The following ARHGEF28 variants were observed in gnomAD, a reference collection of about 807,000 sequenced individuals.
ARHGEF28 encodes the protein Rho guanine nucleotide exchange factor 28.
In ARHGEF28, 152 loss-of-function variants were observed where a neutral mutation model predicts 206.6. The observed-to-expected ratio is 0.74, with a 90% CI of 0.64 to 0.84. The LOEUF is 0.84. Among genes scored for constraint, ARHGEF28 ranks in the 40% least tolerant of loss-of-function variants. The pLI, the probability that ARHGEF28 is intolerant of heterozygous loss-of-function variation, is 0.00. For missense variants in ARHGEF28, 2,028 were observed against 2,073.2 expected (o/e 0.98, Z 0.42); for synonymous variants, 763 against 776.4 (o/e 0.98, Z 0.29).
intron 35 of ARHGEF28, among the ~76,000 whole-genome samples, chr5:73,913,253 G>T (rs1763005015): frequency 6.6e-6 from 1 of 152,204 alleles, no homozygotes; most frequent in Admixed American, 6.5e-5. Context: ...AATCTCTCAG[G>T]AACATCCTGG....
rs557644115 is a variant in ARHGEF28 at position 73,864,806 on chromosome 5, C to A, written c.2048-11C>A. 2.4e-5 allele frequency: 39 copies of A among 1,609,670 alleles called. No individual in the cohort carries two copies. In the Admixed American group the frequency reaches 6.5e-4, roughly 27 times the overall value. The stretch of plus-strand genomic sequence containing the variant: ...AGATGGATGCTTTTGTATCTTTTCC[C>A]TTTATTTCAGACTGTAATGCAAATG... On this transcript the variant is annotated splice_polypyrimidine_tract_variant and intron_variant, in intron 16 of 35. Coordinates refer to ENST00000513042, the MANE Select transcript of ARHGEF28 (RefSeq NM_001177693.2).
At chr5:73,840,821 C>A (rs534124022) in intron 11 of ARHGEF28, 61 bp downstream of exon 11, 299 of 1,483,862 alleles carry the variant, frequency 2.0e-4, no homozygotes, top group Non-Finnish European at 2.7e-4. Context: ...AGGTAGACTT[C>A]AAAAATTCTA....
At chr5:73,770,659 G>T (rs1364535209) in intron 4 of ARHGEF28, among the ~76,000 whole-genome samples, 1 of 152,200 alleles carries the variant, frequency 6.6e-6, no homozygotes, top group Non-Finnish European at 1.5e-5. Flanking sequence ...ATTTATATAT[G>T]TCATGATGCT....
chr5:73,758,957 A>G (rs1287970801), intron 4 of ARHGEF28, among the ~76,000 whole-genome samples: 1 of 152,200 alleles, frequency 6.6e-6, no homozygotes, highest in East Asian at 1.9e-4. Context: ...TGCCTTTGTG[A>G]TTGGTTCTAT....
chr5:73,923,176 A>AG lies in ARHGEF28; in HGVS notation c.4948+11607dup, dbSNP rs1267008984. On this transcript the variant is annotated intron_variant, in intron 35 of 35. Transcript: ENST00000513042. ...ATCTACTTTGAAAGGTAATACTGCA[A>AG]GGGGGGTGCTTAGCCTTCTTTTAGG... is the stretch of plus-strand genomic sequence containing the variant. The AG allele has an allele frequency of 6.5e-6, 10 of 1,534,252 alleles. No homozygotes were observed. The African/African-American group carries it at 6.9e-5, about 11-fold the overall frequency.
intron 1 of ARHGEF28, among the ~76,000 whole-genome samples, chr5:73,649,632 T>TAA (rs1437629657): frequency 1.3e-5 from 2 of 152,240 alleles, no homozygotes; most frequent in Non-Finnish European, 2.9e-5. Flanking sequence ...TCCATATTAA[T>TAA]TTTATTTAGT....
intron 1 of ARHGEF28, among the ~76,000 whole-genome samples, chr5:73,680,082 G>GC (rs1257267418): frequency 6.6e-6 from 1 of 152,046 alleles, no homozygotes; most frequent in Non-Finnish European, 1.5e-5. Context: ...TATAAGAGCA[G>GC]CTGCCTTACC....
chr5:73,732,730 A>T (rs1011007108), intron 2 of ARHGEF28, among the ~76,000 whole-genome samples: 2 of 152,230 alleles, frequency 1.3e-5, no homozygotes, highest in African/African-American at 4.8e-5. Flanking sequence ...TTCCTAGAAC[A>T]GTGTTTTGAA....
chr5:73,897,786 G>A (rs754055920), intron 29 of ARHGEF28, among the ~76,000 whole-genome samples, 176 bp from the exon 30 acceptor site: 8 of 152,138 alleles, frequency 5.3e-5, no homozygotes, highest in South Asian at 2.1e-4. Flanking sequence ...TGGTGTGCGC[G>A]CGTGCGTAGG....
rs369893509 is a variant in ARHGEF28, at chr5:73,892,446, C to T, written c.3566+216C>T. Among the ~76,000 whole-genome samples, 20 of 152,260 alleles carry T rather than the reference C, an allele frequency of 1.3e-4. No individual in the cohort carries two copies. The East Asian group carries it at 1.5e-3, about 12-fold the overall frequency. On this transcript the variant is annotated intron_variant, in intron 27 of 35. Transcript: ENST00000513042. ...CTCCCTCTGCCTGTGTGCACCCTGC[C>T]GGGCGTTGATGCAGCTCGGGCCTCC...
At chr5:73,908,485 T>C (rs1762670368) in intron 33 of ARHGEF28, 1 of 152,200 alleles carries the variant, frequency 6.6e-6, no homozygotes, top group Non-Finnish European at 1.5e-5. Flanking sequence ...ATTTGTCCCT[T>C]CTGTACTGCT....
intron 4 of ARHGEF28, among the ~76,000 whole-genome samples, chr5:73,769,768 A>C (rs1455359345): frequency 1.3e-5 from 2 of 152,308 alleles, no homozygotes; most frequent in African/African-American, 2.4e-5. Flanking sequence ...TTCCTCTAGC[A>C]GTGATTGTGA....
At chr5:73,681,676 A>G (rs1046412568) in intron 1 of ARHGEF28, among the ~76,000 whole-genome samples, 1 of 152,024 alleles carries the variant, frequency 6.6e-6, no homozygotes, top group Non-Finnish European at 1.5e-5. Context: ...TTAGCTGGGC[A>G]TGGTGGTGCA....
chr5:73,788,070 T>G (rs1754263793), intron 7 of ARHGEF28, among the ~76,000 whole-genome samples: 1 of 152,122 alleles, frequency 6.6e-6, no homozygotes, highest in Non-Finnish European at 1.5e-5. Context: ...TGCAACACAT[T>G]TGGCTCATAT....
rs1334780981 is a variant in ARHGEF28, at chr5:73,883,798, G to A, written c.2969G>A (p.Arg990Gln). ...AATAGTAATCTTTTGGCTCGACGCC[G>A]AGGAATTCCAGAATGCATTCTGTTG... ...LRNSNLLARRRGIPECILLVT... is the reference protein window; with the variant it reads ...LRNSNLLARRQGIPECILLVT... The change falls in exon 24 of 36, where the codon CGA becomes CAA. Residue 990 changes from arginine (R) to glutamine (Q), a missense_variant. By Grantham distance (43) the Arg-to-Gln change is conservative. Around this residue, in one of 3 missense-constraint regions of ARHGEF28, gnomAD observed 223 missense variants for 289.9 expected, o/e 0.77. Transcript: ENST00000513042. 1.3e-5 allele frequency: 21 copies of A among 1,569,324 alleles called. No individual in the cohort carries two copies. Among genetic ancestry groups the A allele is most frequent in the Non-Finnish European group, 1.8e-5 (21 of 1,157,260 alleles).
chr5:73,804,564 GGCTT>G (rs2112504320), intron 9 of ARHGEF28, among the ~76,000 whole-genome samples: 1 of 152,166 alleles, frequency 6.6e-6, no homozygotes, highest in South Asian at 2.1e-4. Context: ...AACAGTTATA[GGCTT>G]ACATACTTTA....
intron 9 of ARHGEF28, among the ~76,000 whole-genome samples, chr5:73,818,362 T>G: frequency 7.2e-6 from 1 of 138,958 alleles, no homozygotes. Flanking sequence ...TGAGATACTT[T>G]TATCTCATGG....
intron 2 of ARHGEF28, among the ~76,000 whole-genome samples, chr5:73,687,544 C>A (rs1418825772): frequency 3.3e-5 from 5 of 151,888 alleles, no homozygotes; most frequent in Admixed American, 3.3e-4. Context: ...AGTCTTAAAC[C>A]AAAATCTACC....
intron 9 of ARHGEF28, among the ~76,000 whole-genome samples, chr5:73,819,916 G>A (rs1296737481): frequency 1.3e-5 from 2 of 152,188 alleles, no homozygotes; most frequent in Non-Finnish European, 2.9e-5. Context: ...TTGGGGTTCA[G>A]CATTGTATCT....
Sources: gnomAD v4.1 joint callset for allele counts (sites outside exome capture counted in the v4.1 genomes callset) on GRCh38, gnomAD v4.1.1 for gene constraint, gnomAD v4.1.1 regional missense constraint, MANE v1.5 for transcripts, NCBI Gene and HGNC (gene_info 2026-07-23, HGNC 2026-07-21) for gene names.